ACOD1: variants seen among roughly 807,000 people sequenced by gnomAD.
ACOD1 encodes the protein cis-aconitate decarboxylase.
In ACOD1, 14 loss-of-function variants were observed where a neutral mutation model predicts 14.2. That is an observed-to-expected ratio of 0.99 (90% CI 0.65 to 1.54). The LOEUF (loss-of-function observed/expected upper bound fraction) is 1.54, where lower values mean the gene tolerates loss of function less well. Among genes scored for constraint, ACOD1 ranks in the 40% most tolerant of loss-of-function variants. The pLI, the probability that ACOD1 is intolerant of heterozygous loss-of-function variation, is 0.00. For missense variants in ACOD1, 530 were observed against 586.3 expected, an observed-to-expected ratio of 0.90 and a Z score of 0.99; for synonymous variants, 182 against 221.7, an observed-to-expected ratio of 0.82 and a Z score of 1.59.
Position 76,957,820 on chromosome 13 carries a change from C to T in ACOD1, c.1281C>T (p.Ser427=), listed in dbSNP as rs1447459993. ...DLEEKFRANA[S]KMLSWDTVES... is the part of the protein sequence containing the mutation. The stretch of plus-strand genomic sequence containing the variant: ...AGGAAAAGTTCAGAGCCAATGCCTC[C>T]AAGATGCTGTCCTGGGACACAGTGG... The change falls in exon 5 of 5, where the codon TCC becomes TCT. Residue 427 remains serine, a synonymous_variant. Coordinates refer to ENST00000377462, the MANE Select transcript of ACOD1 (RefSeq NM_001258406.2). The T allele has an allele frequency of 1.9e-6, 3 of 1,551,026 alleles. No individual in the cohort carries two copies. In the Admixed American group the frequency reaches 5.9e-5, roughly 30 times the overall value.
rs1365723669 is a variant in ACOD1, at chr13:76,958,491, A to C, written c.*506A>C. The C allele has an allele frequency of 1.3e-5, 2 of 153,034 alleles. No individual in the cohort carries two copies. The highest frequency in any genetic ancestry group is 2.9e-5 in the Non-Finnish European group (2 of 68,734). The allele number at this position is 153,034 out of a possible 1,614,324, so 9.5% of individuals were successfully genotyped here. ...CACTAGATGTAGCCTTGAGCATGTT[A>C]CCATTAGCCCTCTGCCTCAGTTTCC... On this transcript the variant is annotated 3_prime_UTR_variant, in exon 5 of 5. Coordinates refer to ENST00000377462, the MANE Select transcript of ACOD1 (RefSeq NM_001258406.2).
chr13:76,951,641 C>T (rs987432870), intron 1 of ACOD1, among the ~76,000 whole-genome samples: 6 of 152,174 alleles, frequency 3.9e-5, no homozygotes, highest in Non-Finnish European at 8.8e-5. Flanking sequence ...CTTTATTTTA[C>T]TCTTATGACA....
intron 3 of ACOD1, among the ~76,000 whole-genome samples, chr13:76,954,263 T>C (rs1205689184): frequency 6.6e-6 from 1 of 152,240 alleles, no homozygotes; most frequent in East Asian, 1.9e-4. Flanking sequence ...TTATGATTTA[T>C]GGGTACAATA....
chr13:76,955,125 TCAA>T (rs1208577415), intron 3 of ACOD1, among the ~76,000 whole-genome samples, 191 bp from the exon 4 acceptor site: 3 of 49,648 alleles, frequency 6.0e-5, no homozygotes, highest in African/African-American at 3.1e-4. Context: ...AGACTCTGTC[TCAA>T]AAAAAAAAAA....
At chr13:76,949,971 AC>A (rs2033807324) in intron 1 of ACOD1, among the ~76,000 whole-genome samples, 2 of 151,952 alleles carry the variant, frequency 1.3e-5, no homozygotes, top group Admixed American at 6.6e-5. Flanking sequence ...GCTTTCGCCC[AC>A]CCCATACACC....
chr13:76,948,548 T>C lies in ACOD1; in HGVS notation c.-11T>C, dbSNP rs1392159906. On this transcript the variant is annotated 5_prime_UTR_variant, in exon 1 of 5. Coordinates refer to ENST00000377462, the MANE Select transcript of ACOD1 (RefSeq NM_001258406.2). Reference sequence around the variant, plus strand: ...CACTCCTCCTGAACTGAACCTCTTCTTTACAACGAAATGATGCTCAAGGTA... The same window carrying C: ...CACTCCTCCTGAACTGAACCTCTTCCTTACAACGAAATGATGCTCAAGGTA... 1 of 1,548,744 alleles carries C rather than the reference T, an allele frequency of 6.5e-7. No homozygotes were observed. The highest frequency in any genetic ancestry group is 2.0e-5 in the Admixed American group (1 of 50,802).
rs1234566708 is a variant in ACOD1 at position 76,951,053 on chromosome 13, CCAGATCAAGTAT to C, written c.13-1434_13-1423del. Among the ~76,000 whole-genome samples the C allele has an allele frequency of 6.6e-5, 10 of 152,278 alleles. No homozygotes were observed. The East Asian group carries it at 1.7e-3, about 26-fold the overall frequency. Reference sequence around the variant, plus strand: ...GATGACTACTCTTAAGTTTTCATAACCAGATCAAGTATCGATGTCTCCACCAACAGGGAAGAG... The same window carrying C: ...GATGACTACTCTTAAGTTTTCATAACCGATGTCTCCACCAACAGGGAAGAG... On this transcript the variant is annotated intron_variant, in intron 1 of 4. Coordinates refer to ENST00000377462, the MANE Select transcript of ACOD1 (RefSeq NM_001258406.2).
intron 1 of ACOD1, 52 bp from the exon 2 acceptor site, chr13:76,952,437 G>T (rs2033830872): frequency 6.7e-7 from 1 of 1,501,728 alleles, no homozygotes. Context: ...TAGAACAGAA[G>T]TGTGTAAGTA....
At chr13:76,955,278 A>T in intron 3 of ACOD1, 41 bp from the exon 4 acceptor site, 1 of 1,520,424 alleles carries the variant, frequency 6.6e-7, no homozygotes, top group South Asian at 1.2e-5. Context: ...ATTAAGGGAA[A>T]ATTTAAGGCT....
intron 2 of ACOD1, 88 bp downstream of exon 2, chr13:76,952,738 C>T: frequency 1.9e-6 from 2 of 1,068,202 alleles, no homozygotes; most frequent in Non-Finnish European, 2.7e-6. Context: ...ATAGACAGCA[C>T]TTGATGTACA....
At chr13:76,953,717 T>C in intron 3 of ACOD1, 28 bp downstream of exon 3, 2 of 1,265,216 alleles carry the variant, frequency 1.6e-6, no homozygotes, top group South Asian at 2.6e-5. Flanking sequence ...TCTTTTCAAC[T>C]ATTAGATAAT....
At position 76,949,266 on chromosome 13, in the gene ACOD1, GA is replaced by G. The variant is rs35542867; in HGVS notation, c.12+707del. Among the ~76,000 whole-genome samples the G allele has an allele frequency of 3.2e-3, 467 of 147,996 alleles. 5 individuals carry two copies. The highest frequency in any genetic ancestry group is 0.01 in the African/African-American group (425 of 40,490). On this transcript the variant is annotated intron_variant, in intron 1 of 4. Transcript: ENST00000377462. ...TAGCGACAGAGCGAGACTCCGTCTT[GA>G]AAAAAAAAAATTGTGAAATTGATTT...
Position 76,952,476 on chromosome 13 carries a change from C to T in ACOD1, c.13-13C>T. On this transcript the variant is annotated splice_polypyrimidine_tract_variant and intron_variant, in intron 1 of 4. Transcript: ENST00000377462. ...TGGGGTGTATCCCTGTCCTAACACT[C>T]TTCCCTTTAAAGTCTATCACAGAAA... is the stretch of plus-strand genomic sequence containing the variant. The T allele has an allele frequency of 6.5e-7, 1 of 1,549,674 alleles. No homozygotes were observed. Among genetic ancestry groups the T allele is most frequent in the Non-Finnish European group, 8.7e-7 (1 of 1,146,482 alleles).
intron 4 of ACOD1, among the ~76,000 whole-genome samples, chr13:76,956,227 G>A (rs1275698172): frequency 1.3e-5 from 2 of 152,140 alleles, no homozygotes; most frequent in Admixed American, 6.5e-5. Context: ...TTTTGAGATG[G>A]AGTCTCGCTC....
chr13:76,949,022 T>C (rs985443844), intron 1 of ACOD1, among the ~76,000 whole-genome samples: 4 of 152,200 alleles, frequency 2.6e-5, no homozygotes, highest in South Asian at 2.1e-4. Flanking sequence ...TCCCAGCACT[T>C]TGGGAGGCCG....
In ACOD1 at chr13:76,948,525, C is replaced by G; in HGVS notation, c.-34C>G. ...GCAAACAAATTACTCCTCTGGTTCACTCCTCCTGAACTGAACCTCTTCTTT... is the reference window on the plus strand; with the variant it reads ...GCAAACAAATTACTCCTCTGGTTCAGTCCTCCTGAACTGAACCTCTTCTTT... On this transcript the variant is annotated 5_prime_UTR_variant, in exon 1 of 5. Transcript: ENST00000377462. The G allele has an allele frequency of 6.5e-7, 1 of 1,542,580 alleles. No individual in the cohort carries two copies. The highest frequency in any genetic ancestry group is 8.8e-7 in the Non-Finnish European group (1 of 1,141,378).
chr13:76,949,968 CCCA>C (rs1248540377), intron 1 of ACOD1, among the ~76,000 whole-genome samples: 3 of 152,154 alleles, frequency 2.0e-5, no homozygotes, highest in Non-Finnish European at 4.4e-5. Flanking sequence ...CCTGCTTTCG[CCCA>C]CCCCATACAC....
Position 76,958,051 on chromosome 13 carries a change from G to GAACA in ACOD1, c.*66_*67insAACA. 7.2e-7 allele frequency: 1 copy of GAACA among 1,392,682 alleles called. No individual in the cohort carries two copies. The highest frequency in any genetic ancestry group is 1.5e-5 in the South Asian group (1 of 65,194). The allele number at this position is 1,392,682 out of a possible 1,614,324, so 86.3% of individuals were successfully genotyped here. On this transcript the variant is annotated 3_prime_UTR_variant, in exon 5 of 5. Coordinates refer to ENST00000377462, the MANE Select transcript of ACOD1 (RefSeq NM_001258406.2). ...CAATGATTTGGTTTGTAAAGCAAGG[G>GAACA]TCTGCTGCTTGGTTTTCCCAGGAAA...
Position 76,957,889 on chromosome 13 carries a change from C to G in ACOD1, c.1350C>G (p.Asp450Glu). The G allele has an allele frequency of 6.4e-7, 1 of 1,550,940 alleles. No individual in the cohort carries two copies. Among genetic ancestry groups the G allele is most frequent in the East Asian group, 2.4e-5 (1 of 40,922 alleles). The change falls in exon 5 of 5, where the codon GAC becomes GAG. Residue 450 changes from aspartate (D) to glutamate (E), a missense_variant. Physicochemically the swap from Asp to Glu is conservative, Grantham distance 45. Transcript: ENST00000377462. ...TCAAAAATCTAGAAGACCTAGAAGA[C>G]TGTTCTGTGTTAACTACACTTCTCA... ...KIVKNLEDLEDCSVLTTLLKG... is the reference protein window; with the variant it reads ...KIVKNLEDLEECSVLTTLLKG...
Sources: allele counts gnomAD v4.1 joint callset (sites outside exome capture counted in the v4.1 genomes callset), GRCh38; gene constraint gnomAD v4.1.1; transcripts MANE v1.5; gene names NCBI Gene and HGNC (gene_info 2026-07-23, HGNC 2026-07-21).